Variants in DISC1 observed in about 807,000 individuals in gnomAD.
DISC1 encodes the protein disrupted in schizophrenia 1 protein.
In DISC1, 57 loss-of-function variants were observed where a neutral mutation model predicts 84.5. The ratio of observed to expected loss-of-function variants is 0.67; its 90% CI spans 0.55 to 0.84. DISC1 has a LOEUF of 0.84. DISC1 is among the 40% of genes least tolerant of loss of function. DISC1 has a pLI of 0.00. For missense variants in DISC1, 1,000 were observed against 1,057.8 expected (o/e 0.95, Z 0.76); for synonymous variants, 411 against 415.2 (o/e 0.99, Z 0.12).
At chr1:231,656,609 CTTTCTT>C (rs1467053654) in intron 1 of DISC1, among the ~76,000 whole-genome samples, 1 of 151,978 alleles carries the variant, frequency 6.6e-6, no homozygotes, top group East Asian at 1.9e-4. Flanking sequence ...ATTGTTCGTT[CTTTCTT>C]TTTCTTTTCT....
At chr1:231,908,961 G>C (rs999900891) in intron 9 of DISC1, among the ~76,000 whole-genome samples, 5 of 152,050 alleles carry the variant, frequency 3.3e-5, no homozygotes, top group African/African-American at 1.2e-4. Flanking sequence ...TCATGATCTG[G>C]CTCTCTGTTT....
intron 5 of DISC1, among the ~76,000 whole-genome samples, chr1:231,770,243 T>C (rs1480308283): frequency 6.6e-6 from 1 of 151,666 alleles, no homozygotes; most frequent in African/African-American, 2.4e-5. Flanking sequence ...TTAAATGATA[T>C]TTTATGGATT....
At chr1:231,979,295 G>A (rs112486816) in intron 10 of DISC1, among the ~76,000 whole-genome samples, 83 of 151,898 alleles carry the variant, frequency 5.5e-4, no homozygotes, top group African/African-American at 1.5e-3. Flanking sequence ...AATGTAATGC[G>A]TTTGAATCAC....
At chr1:231,779,660 C>T (rs546496483) in intron 6 of DISC1, among the ~76,000 whole-genome samples, 30 of 150,492 alleles carry the variant, frequency 2.0e-4, no homozygotes, top group African/African-American at 5.6e-4. Flanking sequence ...CCCGGGTTCA[C>T]GCCATTCTCC....
At chr1:231,948,692 C>T (rs1382954134) in intron 9 of DISC1, among the ~76,000 whole-genome samples, 1 of 151,688 alleles carries the variant, frequency 6.6e-6, no homozygotes, top group Non-Finnish European at 1.5e-5. Context: ...ATTGAAGGGG[C>T]AAATCTTTTG....
chr1:231,989,376 C>A (rs920607166), intron 10 of DISC1, among the ~76,000 whole-genome samples: 2 of 152,192 alleles, frequency 1.3e-5, no homozygotes, highest in Non-Finnish European at 2.9e-5. Flanking sequence ...TAACGCAATG[C>A]AGGCTAAAGA....
chr1:231,915,072 A>G (rs529178457), intron 9 of DISC1, among the ~76,000 whole-genome samples: 6 of 152,190 alleles, frequency 3.9e-5, no homozygotes, highest in Admixed American at 2.6e-4. Flanking sequence ...CTGACCAACT[A>G]TGCGCCTCCA....
At chr1:231,723,111 G>A (rs1356330944) in intron 3 of DISC1, 5 of 975,132 alleles carry the variant, frequency 5.1e-6, no homozygotes, top group East Asian at 9.7e-5. Flanking sequence ...AGAAATCCAC[G>A]TGTACTCAAG....
rs971935278 is a variant in DISC1 at position 231,890,786 on chromosome 1, G to A, written c.1982-68042G>A. ...GATAAATAAATGATACCATATCCTC[G>A]TGATTTCAGATACATCTCTTACTTA... On this transcript the variant is annotated intron_variant, in intron 9 of 12. Coordinates refer to ENST00000439617, the MANE Select transcript of DISC1 (RefSeq NM_018662.3). Among the ~76,000 whole-genome samples the A allele has an allele frequency of 4.6e-5, 7 of 152,170 alleles. No homozygotes were observed. In the East Asian group the frequency reaches 9.6e-4, roughly 21 times the overall value.
At chr1:231,866,481 A>G (rs774869425) in intron 9 of DISC1, 4 of 781,480 alleles carry the variant, frequency 5.1e-6, no homozygotes, top group Non-Finnish European at 9.5e-6. Context: ...GGCTCCAGGC[A>G]CTTTCGAAGT....
At chr1:231,793,108 G>T (rs538842619) in intron 6 of DISC1, among the ~76,000 whole-genome samples, 1 of 152,284 alleles carries the variant, frequency 6.6e-6, no homozygotes, top group East Asian at 1.9e-4. Context: ...TGACAAATTG[G>T]TGGATGTGAT....
intron 6 of DISC1, chr1:231,771,639 T>A: frequency 1.0e-6 from 1 of 974,344 alleles, no homozygotes; most frequent in African/African-American, 1.7e-5. Flanking sequence ...AAGAAGGTTA[T>A]AATTTGCCCA....
chr1:231,893,103 C>T (rs2087383873), intron 9 of DISC1, among the ~76,000 whole-genome samples: 1 of 152,154 alleles, frequency 6.6e-6, no homozygotes, highest in South Asian at 2.1e-4. Flanking sequence ...GTTGAAGCTG[C>T]AGTTAGCTGT....
intron 9 of DISC1, among the ~76,000 whole-genome samples, chr1:231,885,118 A>C (rs1301769014): frequency 2.6e-5 from 4 of 152,254 alleles, no homozygotes; most frequent in Admixed American, 2.0e-4. Context: ...CCAGCTGGTC[A>C]TAACAGACAT....
intron 10 of DISC1, among the ~76,000 whole-genome samples, chr1:231,981,582 G>T (rs1418527115): frequency 3.3e-5 from 5 of 152,208 alleles, no homozygotes; most frequent in African/African-American, 1.2e-4. Context: ...CCTTTGATAA[G>T]ATGAAGAAAT....
At chr1:231,829,175 A>G (rs2125809558) in intron 9 of DISC1, among the ~76,000 whole-genome samples, 1 of 152,324 alleles carries the variant, frequency 6.6e-6, no homozygotes, top group Non-Finnish European at 1.5e-5. Flanking sequence ...GAATGCAGTC[A>G]TTTTTATGGC....
rs181913296 is a variant in DISC1 at position 231,751,967 on chromosome 1, T to G, written c.1268+1891T>G. 5.9e-5 allele frequency among the ~76,000 whole-genome samples: 9 copies of G among 152,312 alleles called. No individual in the cohort carries two copies. The East Asian group carries it at 1.7e-3, about 29-fold the overall frequency. Reference sequence around the variant, plus strand: ...AGAGATCTGTATCTACATCTATACCTGAATTTTAGGATGAGGAAACCAGGC... The same window carrying G: ...AGAGATCTGTATCTACATCTATACCGGAATTTTAGGATGAGGAAACCAGGC... On this transcript the variant is annotated intron_variant, in intron 4 of 12. Coordinates refer to ENST00000439617, the MANE Select transcript of DISC1 (RefSeq NM_018662.3).
chr1:231,636,360 C>A (rs1345742586), intron 1 of DISC1, among the ~76,000 whole-genome samples: 3 of 152,158 alleles, frequency 2.0e-5, no homozygotes, highest in Non-Finnish European at 4.4e-5. Context: ...GGCAGTGACT[C>A]ATTGGCCCAG....
intron 6 of DISC1, chr1:231,774,691 G>A (rs1378143997): frequency 7.0e-5 from 32 of 455,836 alleles, no homozygotes; most frequent in Admixed American, 2.4e-4. Flanking sequence ...AGAGAAACCC[G>A]TCATCAATAT....
Sources: allele counts gnomAD v4.1 joint callset (sites outside exome capture counted in the v4.1 genomes callset), GRCh38; gene constraint gnomAD v4.1.1; transcripts MANE v1.5; gene names NCBI Gene and HGNC (gene_info 2026-07-23, HGNC 2026-07-21).